The following CSMD1 variants were observed in gnomAD, a reference collection of about 807,000 sequenced individuals.
CSMD1 encodes the protein CUB and Sushi multiple domains 1.
Under a neutral mutation model 417.5 loss-of-function variants are expected in CSMD1, and 213 were observed. The observed-to-expected ratio is 0.51, with a 90% CI of 0.46 to 0.57. CSMD1 has a LOEUF of 0.57. Ranked by LOEUF, CSMD1 falls within the 20% of genes least tolerant of loss-of-function variation. CSMD1 has a pLI of 0.00. For synonymous variants in CSMD1, 2,862 were observed against 1,736.8 expected, an observed-to-expected ratio of 1.65 and a Z score of -16.11; for missense variants, 6,923 against 4,529.7, an observed-to-expected ratio of 1.53 and a Z score of -15.17.
intron 3 of CSMD1, among the ~76,000 whole-genome samples, chr8:4,308,795 G>T (rs11785855): frequency 1.3e-5 from 2 of 151,626 alleles, no homozygotes; most frequent in Non-Finnish European, 2.9e-5. Context: ...CTAATTCACA[G>T]ATGAGTTATT....
chr8:4,235,705 T>G (rs1330634611), intron 3 of CSMD1, among the ~76,000 whole-genome samples: 2 of 152,234 alleles, frequency 1.3e-5, no homozygotes, highest in Non-Finnish European at 1.5e-5. Flanking sequence ...ATTTTATTTA[T>G]TCTTGTGATA....
intron 4 of CSMD1, among the ~76,000 whole-genome samples, chr8:4,013,130 C>G (rs572044197): frequency 2.6e-5 from 4 of 152,230 alleles, no homozygotes; most frequent in African/African-American, 9.6e-5. Flanking sequence ...TCTCGTATCC[C>G]CCCATTGTGC....
intron 1 of CSMD1, among the ~76,000 whole-genome samples, chr8:4,730,142 A>T (rs148173833): frequency 6.6e-6 from 1 of 152,162 alleles, no homozygotes; most frequent in African/African-American, 2.4e-5. Flanking sequence ...ACTTGGAGAG[A>T]TTCCCAGAAT....
At chr8:4,223,692 G>C (rs1801180132) in intron 3 of CSMD1, among the ~76,000 whole-genome samples, 1 of 152,202 alleles carries the variant, frequency 6.6e-6, no homozygotes. Flanking sequence ...TTGACTTCCA[G>C]AGCCTGAATA....
At chr8:3,552,532 G>C (rs916513061) in intron 10 of CSMD1, among the ~76,000 whole-genome samples, 4 of 152,112 alleles carry the variant, frequency 2.6e-5, no homozygotes, top group Non-Finnish European at 4.4e-5. Context: ...AAGTTTTTTT[G>C]AATTGGATTA....
At chr8:4,684,002 T>C (rs1806214590) in intron 1 of CSMD1, among the ~76,000 whole-genome samples, 2 of 152,204 alleles carry the variant, frequency 1.3e-5, no homozygotes, top group African/African-American at 4.8e-5. Context: ...ACTGACTGAG[T>C]ATTGCTCAAG....
chr8:4,468,794 T>C (rs1800345270), intron 2 of CSMD1, among the ~76,000 whole-genome samples: 1 of 152,180 alleles, frequency 6.6e-6, no homozygotes, highest in African/African-American at 2.4e-5. Context: ...TTTCATATAA[T>C]GGATAATCAA....
chr8:4,963,865 C>G (rs1809677695), intron 1 of CSMD1, among the ~76,000 whole-genome samples: 2 of 152,088 alleles, frequency 1.3e-5, no homozygotes, highest in African/African-American at 2.4e-5. Flanking sequence ...CTAACCTAAG[C>G]TCATAGAAAT....
At chr8:3,453,679 G>T (rs1027508592) in intron 12 of CSMD1, among the ~76,000 whole-genome samples, 18 of 152,300 alleles carry the variant, frequency 1.2e-4, no homozygotes, top group African/African-American at 4.1e-4. Flanking sequence ...CTGAGAGACA[G>T]TTTGTTATAA....
intron 2 of CSMD1, among the ~76,000 whole-genome samples, chr8:4,590,026 C>T (rs1261181256): frequency 2.0e-5 from 3 of 152,144 alleles, no homozygotes; most frequent in East Asian, 3.9e-4. Context: ...AAATGCTTGT[C>T]TATGCTTTTT....
rs527661715 is a variant in CSMD1 at position 4,250,398 on chromosome 8, G to A, written c.415+169555C>T. Among the ~76,000 whole-genome samples, 29 of 152,238 alleles carry A rather than the reference G, an allele frequency of 1.9e-4. No individual in the cohort carries two copies. The East Asian group carries it at 5.4e-3, about 28-fold the overall frequency. The stretch of plus-strand genomic sequence containing the variant: ...ATAGTGTCCCCAAGATAAGATGCTG[G>A]TTGAGGATCCAATATTGTAGCCACT... On this transcript the variant is annotated intron_variant, in intron 3 of 69. Coordinates refer to ENST00000635120, the MANE Select transcript of CSMD1 (RefSeq NM_033225.6).
At chr8:4,222,827 G>A (rs1801121939) in intron 3 of CSMD1, among the ~76,000 whole-genome samples, 1 of 152,100 alleles carries the variant, frequency 6.6e-6, no homozygotes, top group Non-Finnish European at 1.5e-5. Context: ...GCCAGACTAA[G>A]AGTCGCTGAA....
At chr8:3,623,508 A>C (rs17066620) in intron 7 of CSMD1, among the ~76,000 whole-genome samples, 2 of 152,250 alleles carry the variant, frequency 1.3e-5, no homozygotes, top group Non-Finnish European at 2.9e-5. Flanking sequence ...AGAATTAATT[A>C]CAAATGAAGC....
chr8:4,637,522 C>T lies in CSMD1; in HGVS notation c.122G>A (p.Gly41Asp). The part of the protein sequence containing the change: ...NCGGLVQGPN[G>D]TIESPGFPHG... ...AGGAAACCCTGGGCTCTCAATAGTG[C>T]CATTGGGACCCTGGACTAAGCCTCC... The change falls in exon 2 of 70, where the codon GGC becomes GAC. Residue 41 changes from glycine (G) to aspartate (D), a missense_variant. Physicochemically the swap from Gly to Asp is moderately conservative, Grantham distance 94. Coordinates refer to ENST00000635120, the MANE Select transcript of CSMD1 (RefSeq NM_033225.6). The T allele has an allele frequency of 1.2e-6, 2 of 1,613,736 alleles. No homozygotes were observed. Among genetic ancestry groups the T allele is most frequent in the African/African-American group, 1.3e-5 (1 of 74,958 alleles).
chr8:3,948,753 G>C (rs1811410802), intron 5 of CSMD1, among the ~76,000 whole-genome samples: 1 of 152,098 alleles, frequency 6.6e-6, no homozygotes. Flanking sequence ...AGCTAGAAAA[G>C]ATGAGCATTT....
intron 1 of CSMD1, among the ~76,000 whole-genome samples, chr8:4,911,770 C>T (rs111241991): frequency 0.017 from 2,576 of 152,232 alleles, 76 homozygotes; most frequent in African/African-American, 0.059. Flanking sequence ...GGGCTTCCAA[C>T]ATAGAAGCCG....
chr8:3,633,083 A>T (rs1796862368), intron 7 of CSMD1, among the ~76,000 whole-genome samples: 1 of 152,214 alleles, frequency 6.6e-6, no homozygotes, highest in Non-Finnish European at 1.5e-5. Context: ...CTAATTTATT[A>T]AATAGTTGCT....
chr8:4,042,197 G>T (rs1425364501), intron 3 of CSMD1, among the ~76,000 whole-genome samples: 1 of 152,162 alleles, frequency 6.6e-6, no homozygotes, highest in Non-Finnish European at 1.5e-5. Flanking sequence ...AGTGTAAAAT[G>T]CAAAGAACAT....
chr8:4,889,743 T>C (rs151071737), intron 1 of CSMD1, among the ~76,000 whole-genome samples: 1 of 152,116 alleles, frequency 6.6e-6, no homozygotes, highest in Non-Finnish European at 1.5e-5. Flanking sequence ...TTGGCTATTT[T>C]TGACACATTA....
Sources: allele counts gnomAD v4.1 joint callset (sites outside exome capture counted in the v4.1 genomes callset), GRCh38; gene constraint gnomAD v4.1.1; transcripts MANE v1.5; gene names NCBI Gene and HGNC (gene_info 2026-07-23, HGNC 2026-07-21).